DNER: variants seen among roughly 807,000 people sequenced by gnomAD.
DNER encodes the protein delta and Notch-like epidermal growth factor-related receptor.
Under a neutral mutation model 78.2 loss-of-function variants are expected in DNER, and 33 were observed. The observed-to-expected ratio is 0.42, with a 90% CI of 0.32 to 0.56. The LOEUF is 0.56. DNER is among the 20% of genes least tolerant of loss of function. The pLI, the probability that DNER is intolerant of heterozygous loss-of-function variation, is 0.11. For missense variants in DNER, 918 were observed against 975.3 expected (o/e 0.94, Z 0.78); for synonymous variants, 417 against 384.8 (o/e 1.08, Z -0.98).
intron 1 of DNER, among the ~76,000 whole-genome samples, chr2:229,665,429 C>T (rs985914135): frequency 3.3e-5 from 5 of 151,904 alleles, no homozygotes; most frequent in African/African-American, 1.2e-4. Flanking sequence ...AGGAAATGGG[C>T]AAGCAACCAA....
At chr2:229,670,926 A>C (rs889984540) in intron 1 of DNER, among the ~76,000 whole-genome samples, 1 of 152,230 alleles carries the variant, frequency 6.6e-6, no homozygotes, top group Non-Finnish European at 1.5e-5. Flanking sequence ...AATTTCAGTG[A>C]TGAAAAAAGA....
chr2:229,377,127 G>A (rs1042082470), intron 11 of DNER, among the ~76,000 whole-genome samples: 1 of 152,078 alleles, frequency 6.6e-6, no homozygotes, highest in Admixed American at 6.6e-5. Flanking sequence ...CAAAGGCAGG[G>A]TATGTTTCAT....
chr2:229,475,554 C>G (rs1035169809), intron 7 of DNER, among the ~76,000 whole-genome samples: 2 of 152,218 alleles, frequency 1.3e-5, no homozygotes, highest in African/African-American at 4.8e-5. Context: ...CTGGAGGGGC[C>G]ATCTCAGCCT....
chr2:229,364,375 T>G (rs1470683877), intron 12 of DNER, among the ~76,000 whole-genome samples: 2 of 152,074 alleles, frequency 1.3e-5, no homozygotes, highest in African/African-American at 4.8e-5. Context: ...CAGGACCCAC[T>G]GGAGACATAG....
chr2:229,569,760 T>C (rs1486536073), intron 4 of DNER, among the ~76,000 whole-genome samples: 1 of 152,178 alleles, frequency 6.6e-6, no homozygotes, highest in Non-Finnish European at 1.5e-5. Context: ...ATATTTTTGA[T>C]CCATGGTTGG....
intron 4 of DNER, among the ~76,000 whole-genome samples, chr2:229,557,329 T>C (rs1401928040): frequency 6.6e-6 from 1 of 152,202 alleles, no homozygotes; most frequent in Non-Finnish European, 1.5e-5. Flanking sequence ...TCAATGTACA[T>C]AGCATAGTTG....
intron 1 of DNER, among the ~76,000 whole-genome samples, chr2:229,678,628 A>T (rs573763880): frequency 6.6e-6 from 1 of 152,300 alleles, no homozygotes; most frequent in South Asian, 2.1e-4. Flanking sequence ...TTTTTCCACC[A>T]TTAGCATCAA....
At chr2:229,414,870 A>G (rs1693609716) in intron 9 of DNER, among the ~76,000 whole-genome samples, 1 of 152,202 alleles carries the variant, frequency 6.6e-6, no homozygotes, top group Non-Finnish European at 1.5e-5. Flanking sequence ...TGAGACCTTT[A>G]AGAGGGTCCA....
chr2:229,623,036 A>T (rs1419022286), intron 1 of DNER, among the ~76,000 whole-genome samples: 1 of 152,126 alleles, frequency 6.6e-6, no homozygotes, highest in Non-Finnish European at 1.5e-5. Flanking sequence ...CCACCTGCTC[A>T]TCCTTACTCC....
chr2:229,616,816 T>C (rs1698172918), intron 1 of DNER, among the ~76,000 whole-genome samples: 1 of 152,216 alleles, frequency 6.6e-6, no homozygotes, highest in South Asian at 2.1e-4. Flanking sequence ...TAAGTGAGCA[T>C]TCCTAATGTA....
chr2:229,706,641 A>G (rs1207577492), intron 1 of DNER, among the ~76,000 whole-genome samples: 2 of 152,210 alleles, frequency 1.3e-5, no homozygotes, highest in Non-Finnish European at 2.9e-5. Flanking sequence ...GGAACATGTA[A>G]GCAGCCACAG....
intron 4 of DNER, among the ~76,000 whole-genome samples, chr2:229,582,157 C>T (rs540994508): frequency 3.3e-5 from 5 of 152,296 alleles, no homozygotes; most frequent in Admixed American, 6.5e-5. Flanking sequence ...TGAGCTAAAA[C>T]GTATTTGTGT....
intron 6 of DNER, among the ~76,000 whole-genome samples, chr2:229,505,494 T>C (rs1695720344): frequency 6.6e-6 from 1 of 151,930 alleles, no homozygotes; most frequent in Non-Finnish European, 1.5e-5. Flanking sequence ...GAAAATGCAA[T>C]GAAGAAAAGT....
At chr2:229,700,915 G>C (rs1210823038) in intron 1 of DNER, among the ~76,000 whole-genome samples, 1 of 152,064 alleles carries the variant, frequency 6.6e-6, no homozygotes, top group South Asian at 2.1e-4. Context: ...AAAAGATATG[G>C]TAAGATGCTC....
At chr2:229,409,659 C>A (rs1428305135) in intron 9 of DNER, among the ~76,000 whole-genome samples, 1 of 152,046 alleles carries the variant, frequency 6.6e-6, no homozygotes, top group Non-Finnish European at 1.5e-5. Context: ...GGCGGGGAGA[C>A]AATACTTTTT....
At chr2:229,558,137 A>G (rs113177098) in intron 4 of DNER, among the ~76,000 whole-genome samples, 3,598 of 152,290 alleles carry the variant, frequency 0.024, 152 homozygotes, top group African/African-American at 0.083. Flanking sequence ...ACAGAAAGCC[A>G]AACACTGCAT....
intron 4 of DNER, among the ~76,000 whole-genome samples, chr2:229,568,290 A>G (rs1015754132): frequency 6.6e-6 from 1 of 152,158 alleles, no homozygotes; most frequent in Non-Finnish European, 1.5e-5. Flanking sequence ...GGCTTAAGCA[A>G]TCTTCCCACA....
intron 8 of DNER, among the ~76,000 whole-genome samples, chr2:229,430,049 T>C (rs746047306): frequency 1.9e-4 from 29 of 152,096 alleles, no homozygotes; most frequent in Non-Finnish European, 4.1e-4. Context: ...GCTAGAAAAA[T>C]AGAATCAGAG....
intron 8 of DNER, among the ~76,000 whole-genome samples, chr2:229,437,438 A>C (rs1011426218): frequency 6.6e-6 from 1 of 152,240 alleles, no homozygotes; most frequent in Non-Finnish European, 1.5e-5. Flanking sequence ...AATACAGGGC[A>C]TTGTCCCCAG....
Sources: gnomAD v4.1 joint callset for allele counts (sites outside exome capture counted in the v4.1 genomes callset) on GRCh38, gnomAD v4.1.1 for gene constraint, MANE v1.5 for transcripts, NCBI Gene and HGNC (gene_info 2026-07-23, HGNC 2026-07-21) for gene names.